Variants in DLGAP2 observed in about 807,000 individuals in gnomAD.
The protein encoded by DLGAP2 is DLG associated protein 2, also known as disks large-associated protein 2.
Under a neutral mutation model 100.3 loss-of-function variants are expected in DLGAP2, and 26 were observed. The ratio of observed to expected loss-of-function variants is 0.26; its 90% confidence interval spans 0.19 to 0.36. DLGAP2 has a LOEUF of 0.36. Among genes scored for constraint, DLGAP2 ranks in the 10% least tolerant of loss-of-function variants. The pLI is 1.00. For missense variants in DLGAP2, 1,858 were observed against 1,453.2 expected (o/e 1.28, Z -4.53); for synonymous variants, 886 against 630.1 (o/e 1.41, Z -6.08).
chr8:739,089 A>G (rs1369277964), intron 1 of DLGAP2: 2 of 153,800 alleles, frequency 1.3e-5, no homozygotes, highest in African/African-American at 2.4e-5. Context: ...TCTATCGATT[A>G]AAGATAAAGC....
chr8:1,129,864 C>T (rs570183875), intron 2 of DLGAP2, among the ~76,000 whole-genome samples: 11 of 152,278 alleles, frequency 7.2e-5, no homozygotes, highest in African/African-American at 1.9e-4. Flanking sequence ...CCTTGGACCC[C>T]CAGGACCACA....
At chr8:1,465,920 C>T (rs552497357) in intron 3 of DLGAP2, among the ~76,000 whole-genome samples, 2 of 152,210 alleles carry the variant, frequency 1.3e-5, no homozygotes, top group Non-Finnish European at 2.9e-5. Context: ...ACAGAAAGGC[C>T]GGGAAAGGTC....
chr8:815,837 T>G (rs1411886789), intron 1 of DLGAP2, among the ~76,000 whole-genome samples: 1 of 152,238 alleles, frequency 6.6e-6, no homozygotes, highest in Admixed American at 6.5e-5. Context: ...CTCATTCATC[T>G]CATTTTATCT....
intron 1 of DLGAP2, among the ~76,000 whole-genome samples, chr8:782,216 A>T (rs1187379597): frequency 1.3e-5 from 2 of 150,334 alleles, no homozygotes; most frequent in Non-Finnish European, 3.0e-5. Context: ...AAGGTATAAA[A>T]GTTAGAGCTT....
At chr8:1,228,329 G>T (rs1303232350) in intron 2 of DLGAP2, among the ~76,000 whole-genome samples, 1 of 152,206 alleles carries the variant, frequency 6.6e-6, no homozygotes, top group Non-Finnish European at 1.5e-5. Flanking sequence ...AGCTAACTAT[G>T]CCAAAGGAAA....
chr8:845,560 C>A (rs184791163), intron 1 of DLGAP2, among the ~76,000 whole-genome samples: 3 of 152,284 alleles, frequency 2.0e-5, no homozygotes, highest in Non-Finnish European at 4.4e-5. Flanking sequence ...GATACAAGTC[C>A]TTATCAGACG....
intron 4 of DLGAP2, among the ~76,000 whole-genome samples, chr8:1,502,141 T>C (rs1799743380): frequency 6.6e-6 from 1 of 152,220 alleles, no homozygotes; most frequent in South Asian, 2.1e-4. Context: ...TGGCTCTGTC[T>C]GTGGTTATTC....
Position 1,208,748 on chromosome 8 carries a change from C to T in DLGAP2, c.74-50103C>T, listed in dbSNP as rs181098531. Among the ~76,000 whole-genome samples the T allele has an allele frequency of 1.6e-4, 24 of 152,158 alleles. No individual in the cohort carries two copies. In the East Asian group the frequency reaches 4.4e-3, roughly 28 times the overall value. On this transcript the variant is annotated intron_variant, in intron 2 of 14. Transcript: ENST00000637795. Reference sequence around the variant, plus strand: ...AAAACCTAGATCTGATAAATGAATTCAGTAAAGTTTCAGGACACAAAATCA... The same window carrying T: ...AAAACCTAGATCTGATAAATGAATTTAGTAAAGTTTCAGGACACAAAATCA...
chr8:1,505,106 A>C (rs1386958966), intron 4 of DLGAP2, among the ~76,000 whole-genome samples: 1 of 152,178 alleles, frequency 6.6e-6, no homozygotes, highest in Non-Finnish European at 1.5e-5. Flanking sequence ...TATTTTAGAC[A>C]TTTGTTTTTC....
In DLGAP2 at chr8:1,565,665, A is replaced by T; in HGVS notation, c.1231-18A>T. 6.2e-7 allele frequency: 1 copy of T among 1,600,524 alleles called. No individual in the cohort carries two copies. The highest frequency in any genetic ancestry group is 8.5e-7 in the Non-Finnish European group (1 of 1,171,586). On this transcript the variant is annotated intron_variant, in intron 5 of 14. Transcript: ENST00000637795. The stretch of plus-strand genomic sequence containing the variant: ...CAGTGACAAAGTTGATGCGTGTTTC[A>T]TGTCTGTCTGCTCCCAGGTACCTCA...
chr8:1,305,821 A>G (rs967060414), intron 3 of DLGAP2, among the ~76,000 whole-genome samples: 2 of 152,218 alleles, frequency 1.3e-5, no homozygotes, highest in Non-Finnish European at 2.9e-5. Flanking sequence ...TCAACAGCAG[A>G]TGACTGAAAG....
chr8:1,477,523 C>A (rs978160678), intron 3 of DLGAP2, among the ~76,000 whole-genome samples: 5 of 152,160 alleles, frequency 3.3e-5, no homozygotes, highest in African/African-American at 1.2e-4. Context: ...GGCTCAGAAA[C>A]GCAGCTGCAC....
At chr8:1,669,460 C>T (rs1032444165) in intron 9 of DLGAP2, among the ~76,000 whole-genome samples, 4 of 152,330 alleles carry the variant, frequency 2.6e-5, no homozygotes, top group East Asian at 3.9e-4. Flanking sequence ...CGGGATCTGG[C>T]GGACGTGGTT....
In DLGAP2 at chr8:1,501,419, G is replaced by C; in HGVS notation, c.160G>C (p.Glu54Gln). 1 of 1,535,776 alleles carries C rather than the reference G, an allele frequency of 6.5e-7. No homozygotes were observed. The highest frequency in any genetic ancestry group is 8.7e-7 in the Non-Finnish European group (1 of 1,146,728). The change falls in exon 4 of 15, where the codon GAG becomes CAG. Residue 54 changes from glutamate (E) to glutamine (Q), a missense_variant. Glu to Gln is a conservative substitution (Grantham distance 29). Coordinates refer to ENST00000637795, the MANE Select transcript of DLGAP2 (RefSeq NM_001346810.2). ...QPGISFPGPAEEDLDPQYSWS... is the reference protein window; with the variant it reads ...QPGISFPGPAQEDLDPQYSWS... Reference sequence around the variant, plus strand: ...GGGCATCAGCTTTCCGGGGCCGGCAGAGGAGGATCTAGGTAGAGTACAGAC... The same window carrying C: ...GGGCATCAGCTTTCCGGGGCCGGCACAGGAGGATCTAGGTAGAGTACAGAC...
chr8:1,108,534 G>A lies in DLGAP2; in HGVS notation c.74-150317G>A, dbSNP rs556661193. ...GTCTGTGAGGTGTGAATGTGTCTATGAGGTGTGCATGTGCCTATGAAGTGT... is the reference window on the plus strand; with the variant it reads ...GTCTGTGAGGTGTGAATGTGTCTATAAGGTGTGCATGTGCCTATGAAGTGT... On this transcript the variant is annotated intron_variant, in intron 2 of 14. Coordinates refer to ENST00000637795, the MANE Select transcript of DLGAP2 (RefSeq NM_001346810.2). Among the ~76,000 whole-genome samples, 366 of 151,548 alleles carry A rather than the reference G, an allele frequency of 2.4e-3. 1 individual carries two copies. Among genetic ancestry groups the A allele is most frequent in the African/African-American group, 7.7e-3 (317 of 41,294 alleles).
chr8:1,449,030 T>C (rs1798063070), intron 3 of DLGAP2, among the ~76,000 whole-genome samples: 1 of 152,214 alleles, frequency 6.6e-6, no homozygotes, highest in Non-Finnish European at 1.5e-5. Context: ...ATGGGGAGGC[T>C]CAGCACGGGT....
intron 4 of DLGAP2, among the ~76,000 whole-genome samples, chr8:1,509,001 C>G (rs1049993497): frequency 2.0e-5 from 3 of 152,058 alleles, no homozygotes; most frequent in Non-Finnish European, 4.4e-5. Context: ...CTGGTCACTG[C>G]CAGCAAATTT....
intron 3 of DLGAP2, among the ~76,000 whole-genome samples, chr8:1,358,961 G>A (rs2129646552): frequency 6.6e-6 from 1 of 152,286 alleles, no homozygotes; most frequent in South Asian, 2.1e-4. Flanking sequence ...AGAACCTCTG[G>A]GCCAGCGGGT....
At chr8:1,209,878 C>T (rs1330348435) in intron 2 of DLGAP2, among the ~76,000 whole-genome samples, 1 of 152,134 alleles carries the variant, frequency 6.6e-6, no homozygotes, top group Non-Finnish European at 1.5e-5. Context: ...CATGTCCTAC[C>T]CCCTCGTAAT....
Sources: allele counts gnomAD v4.1 joint callset (sites outside exome capture counted in the v4.1 genomes callset), GRCh38; gene constraint gnomAD v4.1.1; transcripts MANE v1.5; gene names NCBI Gene and HGNC (gene_info 2026-07-23, HGNC 2026-07-21).